PPARGC1B: variants seen among roughly 807,000 people sequenced by gnomAD.
PPARGC1B encodes the protein peroxisome proliferator-activated receptor gamma coactivator 1-beta.
Under a neutral mutation model 101.6 loss-of-function variants are expected in PPARGC1B, and 34 were observed. The observed-to-expected ratio is 0.33, with a 90% CI of 0.25 to 0.45. PPARGC1B has a LOEUF of 0.45. Ranked by LOEUF, PPARGC1B falls within the 20% of genes least tolerant of loss-of-function variation. The probability of loss-of-function intolerance (pLI) is 1.00; values close to 1 mark genes in which losing one functional copy is unlikely to be tolerated. For missense variants in PPARGC1B, 1,234 were observed against 1,317.6 expected (o/e 0.94, Z 0.98); for synonymous variants, 548 against 539.3 (o/e 1.02, Z -0.22).
At chr5:149,804,341 G>A (rs1757526122) in intron 1 of PPARGC1B, among the ~76,000 whole-genome samples, 1 of 152,236 alleles carries the variant, frequency 6.6e-6, no homozygotes, top group African/African-American at 2.4e-5. Flanking sequence ...ATATTCTGGA[G>A]AGGAGACGGA....
At chr5:149,764,894 T>A (rs1380333173) in intron 1 of PPARGC1B, among the ~76,000 whole-genome samples, 1 of 152,230 alleles carries the variant, frequency 6.6e-6, no homozygotes, top group Non-Finnish European at 1.5e-5. Context: ...TCTAGACTGA[T>A]CTCTGAGCCT....
chr5:149,731,009 C>G (rs962961976), intron 1 of PPARGC1B, among the ~76,000 whole-genome samples: 1 of 152,248 alleles, frequency 6.6e-6, no homozygotes, highest in African/African-American at 2.4e-5. Context: ...GCGGAGACAG[C>G]GTCTTCCTGG....
At chr5:149,767,837 G>T (rs891882768) in intron 1 of PPARGC1B, among the ~76,000 whole-genome samples, 1 of 152,086 alleles carries the variant, frequency 6.6e-6, no homozygotes, top group Non-Finnish European at 1.5e-5. Flanking sequence ...GGTTGGGGGT[G>T]GGGGGTGGCG....
chr5:149,829,950 G>A (rs1013382518), intron 3 of PPARGC1B, among the ~76,000 whole-genome samples: 2 of 142,612 alleles, frequency 1.4e-5, no homozygotes, highest in African/African-American at 2.6e-5. Context: ...CAGGAGAATC[G>A]CTTGAACCCG....
In PPARGC1B at chr5:149,832,739, G is replaced by A. The variant is rs200534215; in HGVS notation, c.666G>A (p.Ser222=). The change falls in exon 5 of 12, where the codon TCG becomes TCA. Residue 222 remains serine (S), a synonymous_variant. Transcript: ENST00000309241. This position sits in a 1 kb window ranked among gnomAD's most constrained non-coding sequence, Gnocchi z 4.9. ...SCTELHKHLT[S]AQCCLQDRGL... ...CAGAACTACATAAGCACCTCACCTC[G>A]GCACAGTGCTGCCTGCAGGATCGGG... is the stretch of plus-strand genomic sequence containing the variant. 1.8e-5 allele frequency: 29 copies of A among 1,609,380 alleles called. No homozygotes were observed. The Admixed American group carries it at 2.5e-4, about 14-fold the overall frequency.
chr5:149,781,866 A>G (rs888983928), intron 1 of PPARGC1B, among the ~76,000 whole-genome samples: 9 of 152,184 alleles, frequency 5.9e-5, no homozygotes, highest in Non-Finnish European at 8.8e-5. Flanking sequence ...AGCTACTAAT[A>G]ACCCTGACAG....
chr5:149,832,764 G>T lies in PPARGC1B; in HGVS notation c.691G>T (p.Gly231Cys), dbSNP rs143338522. The T allele has an allele frequency of 1.2e-6, 2 of 1,613,000 alleles. No individual in the cohort carries two copies. Among genetic ancestry groups the T allele is most frequent in the Non-Finnish European group, 1.7e-6 (2 of 1,179,434 alleles). The change falls in exon 5 of 12, where the codon GGT becomes TGT. Residue 231 changes from glycine (G) to cysteine (C), a missense_variant. Physicochemically the swap from Gly to Cys is radical, Grantham distance 159. Transcript: ENST00000309241. The surrounding 1 kb of genome is among the most constrained non-coding windows in gnomAD (Gnocchi z 4.9). Reference sequence around the variant, plus strand: ...GGCACAGTGCTGCCTGCAGGATCGGGGTCTGCAGCCACCATGCCTCCAGAG... The same window carrying T: ...GGCACAGTGCTGCCTGCAGGATCGGTGTCTGCAGCCACCATGCCTCCAGAG... ...TSAQCCLQDR[G>C]LQPPCLQSPR...
chr5:149,743,990 A>G (rs1047101814), intron 1 of PPARGC1B, among the ~76,000 whole-genome samples: 2 of 152,086 alleles, frequency 1.3e-5, no homozygotes, highest in Non-Finnish European at 2.9e-5. Flanking sequence ...GGGGATTGAA[A>G]CCAGCACTTT....
intron 1 of PPARGC1B, among the ~76,000 whole-genome samples, chr5:149,788,558 C>T (rs944413454): frequency 5.3e-5 from 8 of 152,174 alleles, no homozygotes; most frequent in Non-Finnish European, 1.2e-4. Context: ...ACATTTGACC[C>T]AGCCATCCCA....
At chr5:149,835,905 G>T (rs62382346) in intron 7 of PPARGC1B, among the ~76,000 whole-genome samples, 11,476 of 150,942 alleles carry the variant, frequency 0.076, 738 homozygotes, top group African/African-American at 0.17. Flanking sequence ...GGTTGGGGGA[G>T]TAAAGGCACT....
At chr5:149,735,324 T>C (rs568191188) in intron 1 of PPARGC1B, among the ~76,000 whole-genome samples, 2 of 152,284 alleles carry the variant, frequency 1.3e-5, no homozygotes, top group African/African-American at 4.8e-5. Context: ...AGGGCCCTCC[T>C]CTTAGCAGCT....
At chr5:149,736,236 T>C (rs1754706027) in intron 1 of PPARGC1B, among the ~76,000 whole-genome samples, 1 of 152,166 alleles carries the variant, frequency 6.6e-6, no homozygotes, top group Non-Finnish European at 1.5e-5. Flanking sequence ...GCCCTCTCGA[T>C]TGGGAGTGAA....
intron 1 of PPARGC1B, among the ~76,000 whole-genome samples, chr5:149,805,613 T>C (rs1757571848): frequency 6.6e-6 from 1 of 152,112 alleles, no homozygotes; most frequent in South Asian, 2.1e-4. Flanking sequence ...CTAATTTTTG[T>C]ATTTTTAGTA....
intron 1 of PPARGC1B, among the ~76,000 whole-genome samples, chr5:149,813,899 G>T (rs1757951979): frequency 6.6e-6 from 1 of 152,164 alleles, no homozygotes; most frequent in African/African-American, 2.4e-5. Flanking sequence ...GGGTGGGAGG[G>T]GCAACCGAGC....
At chr5:149,751,454 C>T (rs559568491) in intron 1 of PPARGC1B, among the ~76,000 whole-genome samples, 2 of 152,144 alleles carry the variant, frequency 1.3e-5, no homozygotes, top group East Asian at 3.9e-4. Flanking sequence ...GCCTGTAATC[C>T]CAGCACTTTG....
At position 149,837,879 on chromosome 5, in the gene PPARGC1B, G is replaced by A. The variant is rs1310711755; in HGVS notation, c.2618+806G>A. 1.3e-5 allele frequency among the ~76,000 whole-genome samples: 2 copies of A among 152,176 alleles called. No individual in the cohort carries two copies. Among genetic ancestry groups the A allele is most frequent in the East Asian group, 1.9e-4 (1 of 5,196 alleles). ...AGTGGCCACTAGATGCTGCTCTTGG[G>A]CTAGAGCCCAGCTGCCGAATCCGCT... On this transcript the variant is annotated intron_variant, in intron 8 of 11. Coordinates refer to ENST00000309241, the MANE Select transcript of PPARGC1B (RefSeq NM_133263.4). The surrounding 1 kb of genome is among the most constrained non-coding windows in gnomAD (Gnocchi z 4.2).
intron 11 of PPARGC1B, chr5:149,846,275 C>T: frequency 2.2e-6 from 1 of 457,270 alleles, no homozygotes; most frequent in Non-Finnish European, 3.8e-6. Context: ...CCGTGGTGAC[C>T]CCAGACAAGG....
At position 149,853,689 on chromosome 5, in the gene PPARGC1B, C is replaced by G. The variant is rs1759853798; in HGVS notation, c.*6131C>G. On this transcript the variant is annotated 3_prime_UTR_variant, in exon 12 of 12. Transcript: ENST00000309241. The surrounding 1 kb of genome is among the most constrained non-coding windows in gnomAD (Gnocchi z 4.2). ...GTATTTTGTATTTTTAAAATCTTGT[C>G]AAATGTTTTTGTGTTAGGAATAAAA... The G allele has an allele frequency of 6.6e-6, 1 of 152,104 alleles. No individual in the cohort carries two copies. Among genetic ancestry groups the G allele is most frequent in the Non-Finnish European group, 1.5e-5 (1 of 68,018 alleles). The allele number at this position is 152,104 out of a possible 1,614,324, so 9.4% of individuals were successfully genotyped here. A position where few individuals can be genotyped will look rare whatever the true frequency, so the allele number is the denominator to read the frequency against.
intron 1 of PPARGC1B, among the ~76,000 whole-genome samples, chr5:149,742,053 A>C (rs750587297): frequency 4.6e-5 from 7 of 152,168 alleles, no homozygotes; most frequent in Non-Finnish European, 7.4e-5. Flanking sequence ...ATAACAGTCA[A>C]CAACTGCTAT....
Sources: gnomAD v4.1 joint callset for allele counts (sites outside exome capture counted in the v4.1 genomes callset) on GRCh38, gnomAD v4.1.1 for gene constraint, Gnocchi (gnomAD v3.1) non-coding constraint, MANE v1.5 for transcripts, NCBI Gene and HGNC (gene_info 2026-07-23, HGNC 2026-07-21) for gene names.